The following NCALD variants were observed in gnomAD, a reference collection of about 807,000 sequenced individuals.
NCALD encodes neurocalcin delta.
Under a neutral mutation model 18.6 loss-of-function variants are expected in NCALD, and 10 were observed. That is an observed-to-expected ratio of 0.54 (90% confidence interval 0.33 to 0.91). The LOEUF is 0.91. Ranked by LOEUF, NCALD falls within the 40% of genes least tolerant of loss-of-function variation. The probability of loss-of-function intolerance (pLI) is 0.03; values close to 1 mark genes in which losing one functional copy is unlikely to be tolerated. For synonymous variants in NCALD, 88 were observed against 87.4 expected (o/e 1.01, Z -0.04); for missense variants, 184 against 247.6 (o/e 0.74, Z 1.72).
chr8:101,698,766 T>C (rs1374299193), intron 2 of NCALD, among the ~76,000 whole-genome samples: 3 of 152,100 alleles, frequency 2.0e-5, no homozygotes. Flanking sequence ...TTACACCTTA[T>C]ACAAAAATTA....
chr8:101,891,458 T>C (rs1453230506), intron 3 of NCALD, among the ~76,000 whole-genome samples: 1 of 152,258 alleles, frequency 6.6e-6, no homozygotes, highest in Non-Finnish European at 1.5e-5. Flanking sequence ...TTCCTTTTCA[T>C]TGCTGAGTAG....
At chr8:101,928,105 G>C (rs952989143) in intron 2 of NCALD, among the ~76,000 whole-genome samples, 11 of 152,110 alleles carry the variant, frequency 7.2e-5, no homozygotes, top group African/African-American at 2.7e-4. Flanking sequence ...GCCTCACACA[G>C]CAACTGTATT....
At chr8:101,855,711 G>A (rs574759334) in intron 4 of NCALD, among the ~76,000 whole-genome samples, 13 of 152,224 alleles carry the variant, frequency 8.5e-5, no homozygotes, top group Middle Eastern at 3.4e-3. Flanking sequence ...GGTGGAAAAT[G>A]ACATTATGGG....
At chr8:101,881,197 T>C (rs575226309) in intron 4 of NCALD, among the ~76,000 whole-genome samples, 4 of 152,296 alleles carry the variant, frequency 2.6e-5, no homozygotes, top group Non-Finnish European at 5.9e-5. Context: ...TATTTAAAAA[T>C]AATCTCTTTA....
At chr8:101,897,473 A>C (rs1454401868) in intron 3 of NCALD, among the ~76,000 whole-genome samples, 1 of 151,332 alleles carries the variant, frequency 6.6e-6, no homozygotes, top group African/African-American at 2.4e-5. Flanking sequence ...ATATGTAACT[A>C]ACCTGCACAA....
At chr8:101,946,150 G>C (rs1179693410) in intron 2 of NCALD, among the ~76,000 whole-genome samples, 4 of 151,790 alleles carry the variant, frequency 2.6e-5, no homozygotes, top group Non-Finnish European at 5.9e-5. Context: ...AGTGATCTAT[G>C]AAAAAAAAGA....
intron 1 of NCALD, among the ~76,000 whole-genome samples, chr8:102,050,487 T>A (rs1823404862): frequency 6.6e-6 from 1 of 151,090 alleles, no homozygotes; most frequent in African/African-American, 2.4e-5. Flanking sequence ...TATTAAATAA[T>A]GATATTACTT....
chr8:101,971,598 G>T (rs115363108), intron 2 of NCALD, among the ~76,000 whole-genome samples: 132 of 151,882 alleles, frequency 8.7e-4, no homozygotes, highest in African/African-American at 3.1e-3. Flanking sequence ...GGCCTCCCTG[G>T]CAACGTGGAA....
At chr8:102,024,816 C>A (rs149747050) in intron 1 of NCALD, among the ~76,000 whole-genome samples, 7 of 152,176 alleles carry the variant, frequency 4.6e-5, no homozygotes, top group Admixed American at 1.3e-4. Context: ...ATACATCACC[C>A]CTCTGATCAT....
intron 2 of NCALD, among the ~76,000 whole-genome samples, chr8:101,991,096 G>A (rs1440544839): frequency 1.3e-5 from 2 of 152,150 alleles, no homozygotes; most frequent in East Asian, 1.9e-4. Context: ...AAGCAGAAAC[G>A]AAGGCATACT....
At chr8:101,893,778 T>G (rs1227082510) in intron 3 of NCALD, among the ~76,000 whole-genome samples, 9 of 140,232 alleles carry the variant, frequency 6.4e-5, no homozygotes, top group Non-Finnish European at 3.0e-5. Context: ...GGCCATTACA[T>G]AATGGTAAAG....
chr8:101,796,507 T>A (rs2212701), intron 4 of NCALD, among the ~76,000 whole-genome samples: 1 of 151,894 alleles, frequency 6.6e-6, no homozygotes, highest in Non-Finnish European at 1.5e-5. Context: ...AGGAAAATAT[T>A]AAAATTAAGT....
At chr8:101,869,363 G>A (rs534013148) in intron 4 of NCALD, among the ~76,000 whole-genome samples, 3 of 152,232 alleles carry the variant, frequency 2.0e-5, no homozygotes, top group Admixed American at 2.0e-4. Flanking sequence ...GGGGCTCTGA[G>A]CTAAGGAATG....
chr8:101,768,398 AT>A (rs1486603221), intron 1 of NCALD, among the ~76,000 whole-genome samples: 13 of 152,284 alleles, frequency 8.5e-5, no homozygotes, highest in African/African-American at 2.6e-4. Flanking sequence ...AGGGCGGCCA[AT>A]GAGAAAACCA....
At chr8:101,751,077 G>A (rs1246738098) in intron 1 of NCALD, among the ~76,000 whole-genome samples, 3 of 152,068 alleles carry the variant, frequency 2.0e-5, no homozygotes, top group South Asian at 4.2e-4. Context: ...ATAGCTCAAA[G>A]GTAGAAACAA....
chr8:101,924,985 C>A (rs1818287871), intron 2 of NCALD, among the ~76,000 whole-genome samples: 3 of 152,188 alleles, frequency 2.0e-5, no homozygotes, highest in South Asian at 4.2e-4. Context: ...GATTCTGTGA[C>A]TTCAGTTGTG....
At chr8:101,712,556 A>T (rs1815847824) in intron 2 of NCALD, among the ~76,000 whole-genome samples, 1 of 135,744 alleles carries the variant, frequency 7.4e-6, no homozygotes, top group Admixed American at 7.7e-5. Flanking sequence ...AAATAAAGGG[A>T]TGGAGGAAGA....
intron 1 of NCALD, among the ~76,000 whole-genome samples, chr8:102,104,151 T>C (rs865833821): frequency 1.3e-5 from 2 of 152,374 alleles, no homozygotes; most frequent in Middle Eastern, 6.8e-3. Context: ...CCTGATTATA[T>C]ACTTGGTTCC....
chr8:101,776,194 G>A (rs1351375780), intron 1 of NCALD, among the ~76,000 whole-genome samples: 1 of 152,106 alleles, frequency 6.6e-6, no homozygotes, highest in Non-Finnish European at 1.5e-5. Flanking sequence ...GACTGAAAAT[G>A]GCTAAAATGG....
Sources: allele counts gnomAD v4.1 joint callset (sites outside exome capture counted in the v4.1 genomes callset), GRCh38; gene constraint gnomAD v4.1.1; transcripts MANE v1.5; gene names NCBI Gene and HGNC (gene_info 2026-07-23, HGNC 2026-07-21).